DCAF8L2: variants seen among roughly 807,000 people sequenced by gnomAD.
The protein encoded by DCAF8L2 is DDB1 and CUL4 associated factor 8 like 2.
For synonymous variants in DCAF8L2, 200 were observed against 190.9 expected (o/e 1.05, Z -0.39); for missense variants, 430 against 490.7 (o/e 0.88, Z 1.17).
chrX:27,510,535 C>G, the DCAF8L2 span, among the ~76,000 whole-genome samples: 1 of 106,295 alleles, frequency 9.4e-6, no homozygotes, highest in Non-Finnish European at 1.9e-5. Context: ...TTGAAGTCTT[C>G]TTGGACTTCA....
chrX:27,642,906 A>G (rs1313245075), intron 2 of DCAF8L2, among the ~76,000 whole-genome samples: 1 of 111,707 alleles, frequency 9.0e-6, no homozygotes, highest in Admixed American at 9.6e-5. Flanking sequence ...TACTAAAACC[A>G]TGCCATCATT....
chrX:27,713,309 A>C (rs887691597), intron 3 of DCAF8L2, among the ~76,000 whole-genome samples: 2 of 112,084 alleles, frequency 1.8e-5, no homozygotes, highest in Non-Finnish European at 3.8e-5. Context: ...AAATTGGATT[A>C]GAATAATGCC....
intron 2 of DCAF8L2, among the ~76,000 whole-genome samples, chrX:27,637,762 C>T (rs200001955): frequency 2.4e-5 from 2 of 82,778 alleles, no homozygotes; most frequent in African/African-American, 9.5e-5. Context: ...TGGCTCATAA[C>T]ACAGAGTCAT....
chrX:27,593,361 A>T, intron 1 of DCAF8L2, among the ~76,000 whole-genome samples: 1 of 112,394 alleles, frequency 8.9e-6, no homozygotes, highest in East Asian at 2.8e-4. Flanking sequence ...ACTTAGCATA[A>T]TGTCCTCAAG....
At chrX:27,685,618 T>A (rs1317801099) in intron 3 of DCAF8L2, among the ~76,000 whole-genome samples, 5 of 111,846 alleles carry the variant, frequency 4.5e-5, no homozygotes, top group Admixed American at 9.5e-5. Flanking sequence ...GACCTGAAAC[T>A]TTGAAAGTAT....
chrX:27,485,266 C>T, the DCAF8L2 span, among the ~76,000 whole-genome samples: 2 of 111,786 alleles, frequency 1.8e-5, no homozygotes, highest in Admixed American at 9.5e-5. Context: ...CAATTGTTTG[C>T]ATGCATGTTG....
chrX:27,731,630 G>C (rs1018212376), intron 4 of DCAF8L2, among the ~76,000 whole-genome samples: 1 of 110,160 alleles, frequency 9.1e-6, no homozygotes. Context: ...CATCTGACTC[G>C]AATCACCTCC....
chrX:27,656,641 G>A (rs1163593192), intron 2 of DCAF8L2, among the ~76,000 whole-genome samples: 1 of 111,615 alleles, frequency 9.0e-6, no homozygotes, highest in Non-Finnish European at 1.9e-5. Context: ...CTCACTGCAG[G>A]TAATGGGTTG....
At chrX:27,739,995 G>A (rs992702509) in intron 4 of DCAF8L2, among the ~76,000 whole-genome samples, 4 of 110,938 alleles carry the variant, frequency 3.6e-5, no homozygotes, top group Non-Finnish European at 7.6e-5. Flanking sequence ...CTAATGTCAC[G>A]CCAGACTCTC....
At chrX:27,560,483 C>G in the DCAF8L2 span, among the ~76,000 whole-genome samples, 2 of 111,302 alleles carry the variant, frequency 1.8e-5, no homozygotes, top group Non-Finnish European at 3.8e-5. Flanking sequence ...ATGTAGAATT[C>G]TCCCATGTAG....
chrX:27,506,369 G>T, the DCAF8L2 span, among the ~76,000 whole-genome samples: 1 of 111,614 alleles, frequency 9.0e-6, no homozygotes, highest in East Asian at 2.8e-4. Context: ...TTACAAACAA[G>T]ATTTTTTAAA....
At chrX:27,582,400 AGTT>A in the DCAF8L2 span, among the ~76,000 whole-genome samples, 4 of 110,836 alleles carry the variant, frequency 3.6e-5, no homozygotes, top group African/African-American at 6.6e-5. Flanking sequence ...TATTTTATTT[AGTT>A]GTTGTGTCTC....
Position 27,624,447 on chromosome X carries a change from C to A in DCAF8L2, c.-341-7432C>A, listed in dbSNP as rs1038821592. Among the ~76,000 whole-genome samples the A allele has an allele frequency of 9.1e-5, 10 of 109,852 alleles. No individual in the cohort carries two copies. The East Asian group carries it at 2.9e-3, about 31-fold the overall frequency. On this transcript the variant is annotated intron_variant, in intron 1 of 4. Transcript: ENST00000451261. Reference sequence around the variant, plus strand: ...GGCCATACCGCCCAAAGCAATTTACCGAGTAAATGCTATTGCTATCACTAC... The same window carrying A: ...GGCCATACCGCCCAAAGCAATTTACAGAGTAAATGCTATTGCTATCACTAC...
intron 3 of DCAF8L2, among the ~76,000 whole-genome samples, chrX:27,692,623 A>G (rs1930752067): frequency 8.9e-6 from 1 of 111,996 alleles, no homozygotes; most frequent in South Asian, 3.7e-4. Flanking sequence ...TGAAAGAGTT[A>G]GTTTGATTCT....
At chrX:27,470,201 C>T in the DCAF8L2 span, among the ~76,000 whole-genome samples, 3 of 111,962 alleles carry the variant, frequency 2.7e-5, no homozygotes, top group African/African-American at 9.7e-5. Context: ...ATTTTTAAAA[C>T]TTCTAATATA....
At chrX:27,716,902 G>A (rs1931719291) in intron 4 of DCAF8L2, among the ~76,000 whole-genome samples, 1 of 111,034 alleles carries the variant, frequency 9.0e-6, no homozygotes, top group Non-Finnish European at 1.9e-5. Context: ...ACCCCCGACA[G>A]GCTGCAGTGT....
the DCAF8L2 span, among the ~76,000 whole-genome samples, chrX:27,566,190 G>A: frequency 9.2e-6 from 1 of 108,851 alleles, no homozygotes; most frequent in Non-Finnish European, 1.9e-5. Flanking sequence ...ATCCACTGGA[G>A]CCCACTGTGT....
At chrX:27,734,068 A>G (rs1921380223) in intron 4 of DCAF8L2, among the ~76,000 whole-genome samples, 2 of 111,533 alleles carry the variant, frequency 1.8e-5, no homozygotes, top group African/African-American at 6.5e-5. Context: ...TGAAGAGCCC[A>G]CAGTTAACAT....
chrX:27,709,340 C>T (rs1182707946), intron 3 of DCAF8L2, among the ~76,000 whole-genome samples: 6 of 112,638 alleles, frequency 5.3e-5, no homozygotes, highest in African/African-American at 1.9e-4. Flanking sequence ...TGTTGTAACA[C>T]TTTTTTTATA....
Sources: allele counts gnomAD v4.1 joint callset (sites outside exome capture counted in the v4.1 genomes callset), GRCh38; gene constraint gnomAD v4.1.1; transcripts MANE v1.5; gene names NCBI Gene and HGNC (gene_info 2026-07-23, HGNC 2026-07-21).